SV2C: variants seen among roughly 807,000 people sequenced by gnomAD.
SV2C encodes solute carrier family 22 member B3.
A neutral mutation model predicts 79.7 loss-of-function variants in SV2C; 49 were observed. The observed-to-expected ratio is 0.61, with a 90% CI of 0.49 to 0.78. The LOEUF is 0.78. Among genes scored for constraint, SV2C ranks in the 30% least tolerant of loss-of-function variants. The pLI is 0.00. For synonymous variants in SV2C, 334 were observed against 333.2 expected, an observed-to-expected ratio of 1.00 and a Z score of -0.03; for missense variants, 833 against 912.9, an observed-to-expected ratio of 0.91 and a Z score of 1.13.
At chr5:75,856,009 T>G in the SV2C span, among the ~76,000 whole-genome samples, 1 of 152,208 alleles carries the variant, frequency 6.6e-6, no homozygotes, top group Non-Finnish European at 1.5e-5. Flanking sequence ...ATTGCTTTAA[T>G]TTTTAGCTCC....
At chr5:76,086,844 A>T (rs1374577158) in intron 1 of SV2C, among the ~76,000 whole-genome samples, 1 of 152,232 alleles carries the variant, frequency 6.6e-6, no homozygotes. Flanking sequence ...TGGGATACTA[A>T]AACACAATTT....
At chr5:76,171,546 G>T (rs1743251995) in intron 2 of SV2C, among the ~76,000 whole-genome samples, 1 of 142,588 alleles carries the variant, frequency 7.0e-6, no homozygotes, top group African/African-American at 2.5e-5. Context: ...CCGCCCGGCA[G>T]CCACCCCATC....
chr5:75,922,825 C>T, the SV2C span, among the ~76,000 whole-genome samples: 1 of 152,170 alleles, frequency 6.6e-6, no homozygotes, highest in Non-Finnish European at 1.5e-5. Context: ...AGAAGAGCCA[C>T]CAAAGAGAGC....
chr5:76,330,574 A>C lies in SV2C; in HGVS notation c.*5027A>C, dbSNP rs1749149980. 1 of 137,046 alleles carries C rather than the reference A, an allele frequency of 7.3e-6. No homozygotes were observed. Among genetic ancestry groups the C allele is most frequent in the African/African-American group, 2.8e-5 (1 of 36,240 alleles). The allele number at this position is 137,046 out of a possible 1,614,324, so 8.5% of individuals were successfully genotyped here. Reference sequence around the variant, plus strand: ...ACCCTCCGCGCCCCCCCCCATAAATACAAAGTGTTATTTTTCCACATTTAA... The same window carrying C: ...ACCCTCCGCGCCCCCCCCCATAAATCCAAAGTGTTATTTTTCCACATTTAA... On this transcript the variant is annotated 3_prime_UTR_variant, in exon 13 of 13. Coordinates refer to ENST00000502798, the MANE Select transcript of SV2C (RefSeq NM_014979.4).
chr5:76,023,588 T>C, the SV2C span, among the ~76,000 whole-genome samples: 1 of 151,150 alleles, frequency 6.6e-6, no homozygotes, highest in Non-Finnish European at 1.5e-5. Context: ...AAGTAAGCAA[T>C]GTTATCAGTT....
intron 4 of SV2C, chr5:76,241,983 A>G (rs1323293211): frequency 3.1e-6 from 3 of 981,370 alleles, no homozygotes; most frequent in Non-Finnish European, 4.9e-6. Flanking sequence ...TTCAAACTGT[A>G]CAGTCACCAG....
At chr5:75,900,699 AGTACACCAATCTGATT>A in the SV2C span, among the ~76,000 whole-genome samples, 1 of 152,156 alleles carries the variant, frequency 6.6e-6, no homozygotes, top group Non-Finnish European at 1.5e-5. Context: ...TTTCACATGT[AGTACACCAATCTGATT>A]GTACACCAAT....
At chr5:76,283,644 A>G (rs564364680) in intron 4 of SV2C, among the ~76,000 whole-genome samples, 1 of 152,328 alleles carries the variant, frequency 6.6e-6, no homozygotes, top group South Asian at 2.1e-4. Context: ...AAAACATCAT[A>G]GCAATCATAC....
At chr5:76,309,492 C>T (rs1373340331) in intron 12 of SV2C, among the ~76,000 whole-genome samples, 1 of 145,894 alleles carries the variant, frequency 6.9e-6, no homozygotes, top group Non-Finnish European at 1.5e-5. Flanking sequence ...CCCAGCCACT[C>T]GGGAGGCTGA....
At chr5:75,903,389 G>T in the SV2C span, among the ~76,000 whole-genome samples, 3 of 146,334 alleles carry the variant, frequency 2.1e-5, no homozygotes, top group East Asian at 3.9e-4. Flanking sequence ...AAAAAAAAAA[G>T]AAATTTATAT....
the SV2C span, among the ~76,000 whole-genome samples, chr5:75,967,919 C>A: frequency 6.6e-6 from 1 of 152,194 alleles, no homozygotes; most frequent in Non-Finnish European, 1.5e-5. Flanking sequence ...GGAGGCACCC[C>A]CCAGTAGGGG....
intron 12 of SV2C, among the ~76,000 whole-genome samples, chr5:76,352,291 G>A (rs891681289): frequency 1.1e-4 from 17 of 152,052 alleles, no homozygotes; most frequent in East Asian, 3.9e-4. Context: ...AATTATGAAC[G>A]TAAGCAACTC....
At chr5:76,257,853 A>G (rs977933192) in intron 4 of SV2C, among the ~76,000 whole-genome samples, 3 of 147,252 alleles carry the variant, frequency 2.0e-5, no homozygotes, top group African/African-American at 7.6e-5. Flanking sequence ...TGGTAGGTGT[A>G]TGTGGTGTGT....
chr5:76,212,765 G>A (rs1744802981), intron 4 of SV2C, among the ~76,000 whole-genome samples: 1 of 151,960 alleles, frequency 6.6e-6, no homozygotes, highest in African/African-American at 2.4e-5. Flanking sequence ...TTCTCACTAG[G>A]AATTCAGTTC....
At chr5:76,011,022 G>T in the SV2C span, among the ~76,000 whole-genome samples, 2 of 152,156 alleles carry the variant, frequency 1.3e-5, no homozygotes, top group East Asian at 3.9e-4. Context: ...GTGAAGGCAG[G>T]TAGGGCCCCT....
the SV2C span, among the ~76,000 whole-genome samples, chr5:75,981,939 G>A: frequency 6.6e-6 from 1 of 151,970 alleles, no homozygotes; most frequent in South Asian, 2.1e-4. Context: ...ACAACCTACA[G>A]AATGAGAGAA....
chr5:76,218,679 T>C (rs562407569), intron 4 of SV2C, among the ~76,000 whole-genome samples: 1 of 152,314 alleles, frequency 6.6e-6, no homozygotes, highest in Admixed American at 6.5e-5. Context: ...GATGGGTTGA[T>C]AGGTGCAGCA....
At chr5:75,923,282 G>A in the SV2C span, among the ~76,000 whole-genome samples, 1 of 152,140 alleles carries the variant, frequency 6.6e-6, no homozygotes, top group Non-Finnish European at 1.5e-5. Flanking sequence ...AAGGATCAAA[G>A]ACTTAGTTAA....
the SV2C span, among the ~76,000 whole-genome samples, chr5:75,968,479 A>C: frequency 6.6e-6 from 1 of 152,252 alleles, no homozygotes; most frequent in Non-Finnish European, 1.5e-5. Flanking sequence ...AGAAGTCCTC[A>C]AAGGACCTGA....
Sources: allele counts gnomAD v4.1 joint callset (sites outside exome capture counted in the v4.1 genomes callset), GRCh38; gene constraint gnomAD v4.1.1; transcripts MANE v1.5; gene names NCBI Gene and HGNC (gene_info 2026-07-23, HGNC 2026-07-21).